Variants in SAFB observed in about 807,000 individuals in gnomAD.
SAFB encodes the protein scaffold attachment factor B1.
A neutral mutation model predicts 101.6 loss-of-function variants in SAFB; 15 were observed. The ratio of observed to expected loss-of-function variants is 0.15; its 90% CI spans 0.10 to 0.23. SAFB has a LOEUF of 0.23. SAFB is among the 10% of genes least tolerant of loss of function. The pLI, the probability that SAFB is intolerant of heterozygous loss-of-function variation, is 1.00. For missense variants in SAFB, 930 were observed against 1,104.1 expected, an observed-to-expected ratio of 0.84 and a Z score of 2.23; for synonymous variants, 449 against 407.5, an observed-to-expected ratio of 1.10 and a Z score of -1.23.
chr19:5,632,022 C>A (rs772715519), intron 2 of SAFB, among the ~76,000 whole-genome samples: 1 of 152,146 alleles, frequency 6.6e-6, no homozygotes, highest in Non-Finnish European at 1.5e-5. Flanking sequence ...TGCTCTCCAA[C>A]CTGGTAACAG....
intron 1 of SAFB, 30 bp from the exon 2 acceptor site, chr19:5,626,375 G>T: frequency 7.4e-7 from 1 of 1,345,916 alleles, no homozygotes; most frequent in South Asian, 1.2e-5. Context: ...CTGACTTTTT[G>T]GATCAACTTT....
rs141149674 is a variant in SAFB, at chr19:5,667,848, C to T, written c.2586C>T (p.Ser862=). Residue 862 remains serine, a synonymous_variant, in exon 20 of 21, where the codon TCC becomes TCT. Transcript: ENST00000588852. The surrounding 1 kb of genome is among the most constrained non-coding windows in gnomAD (Gnocchi z 4.0). ...QGGERSMSGH[S]GPGHMMNRGG... The stretch of plus-strand genomic sequence containing the variant: ...GCGAGAGAAGCATGTCCGGTCACTC[C>T]GGGCCTGGCCACATGATGAACCGAG... The T allele has an allele frequency of 2.1e-5, 34 of 1,612,308 alleles. No homozygotes were observed. In the African/African-American group the frequency reaches 3.5e-4, roughly 16 times the overall value.
intron 2 of SAFB, among the ~76,000 whole-genome samples, chr19:5,628,640 C>G (rs1157639866): frequency 6.6e-6 from 1 of 152,166 alleles, no homozygotes; most frequent in Non-Finnish European, 1.5e-5. Flanking sequence ...GAGATAATAA[C>G]TAATACTTGG....
intron 3 of SAFB, 35 bp from the exon 4 acceptor site, chr19:5,641,705 C>T (rs201829821): frequency 4.5e-5 from 73 of 1,612,056 alleles, no homozygotes; most frequent in Admixed American, 2.0e-4. Flanking sequence ...GGACCAGTGG[C>T]GGTCACATGA....
At chr19:5,656,364 C>T (rs1029264004) in intron 13 of SAFB, among the ~76,000 whole-genome samples, 57 of 152,090 alleles carry the variant, frequency 3.7e-4, no homozygotes, top group East Asian at 5.8e-4. Flanking sequence ...CTCCACCTCC[C>T]GGGGGTTTTT....
intron 4 of SAFB, 170 bp downstream of exon 4, chr19:5,642,116 A>G (rs1352335639): frequency 2.9e-6 from 2 of 693,516 alleles, no homozygotes; most frequent in East Asian, 2.8e-5. Flanking sequence ...TTGAAAGGTG[A>G]TGTCTTATAA....
intron 14 of SAFB, among the ~76,000 whole-genome samples, chr19:5,661,247 C>A (rs911309893): frequency 2.0e-5 from 3 of 152,070 alleles, no homozygotes; most frequent in Non-Finnish European, 4.4e-5. Flanking sequence ...CTGGCTGTTT[C>A]CTGAAATCAC....
At chr19:5,624,501 A>T (rs1443332040) in intron 1 of SAFB, among the ~76,000 whole-genome samples, 1 of 151,866 alleles carries the variant, frequency 6.6e-6, no homozygotes, top group Non-Finnish European at 1.5e-5. Flanking sequence ...TTATTCCTGT[A>T]GCTTTTTTTC....
intron 2 of SAFB, among the ~76,000 whole-genome samples, chr19:5,638,791 G>C (rs369038205): frequency 7.3e-6 from 1 of 136,516 alleles, no homozygotes; most frequent in African/African-American, 2.8e-5. Flanking sequence ...GTGTGTTCTC[G>C]CCTCATTGCA....
At chr19:5,645,251 G>T in intron 4 of SAFB, 86 bp from the exon 5 acceptor site, 2 of 647,640 alleles carry the variant, frequency 3.1e-6, no homozygotes, top group Non-Finnish European at 2.8e-6. Context: ...TATTTTCATA[G>T]CTGTTCACTT....
intron 14 of SAFB, among the ~76,000 whole-genome samples, chr19:5,657,933 C>T (rs1323416680): frequency 6.6e-6 from 1 of 152,194 alleles, no homozygotes; most frequent in Non-Finnish European, 1.5e-5. Flanking sequence ...ACAAAAAATA[C>T]CAAATTTGCT....
intron 6 of SAFB, 91 bp downstream of exon 6, chr19:5,648,134 T>C (rs2053863845): frequency 1.8e-6 from 2 of 1,082,190 alleles, no homozygotes; most frequent in Non-Finnish European, 2.8e-6. Context: ...TTTTAAAAGT[T>C]ACCTTACTAT....
At chr19:5,655,012 T>G (rs1192896113) in intron 13 of SAFB, among the ~76,000 whole-genome samples, 2 of 152,226 alleles carry the variant, frequency 1.3e-5, no homozygotes, top group Admixed American at 1.3e-4. Flanking sequence ...CAGTCCACGT[T>G]CCCTGTCTAC....
In SAFB at chr19:5,623,361, C is replaced by T; in HGVS notation, c.156C>T (p.Gly52=). The change falls in exon 1 of 21, where the codon GGC becomes GGT. Residue 52 remains glycine, a synonymous_variant. Transcript: ENST00000588852. ...GGAAACGGAATGTGGACTCGAGCGG[C>T]AACAAGAGCGTTTTGATGGAGCGGC... The part of the protein sequence containing the change: ...ELRKRNVDSS[G]NKSVLMERLK... 6.2e-7 allele frequency: 1 copy of T among 1,613,940 alleles called. No homozygotes were observed. Among genetic ancestry groups the T allele is most frequent in the Admixed American group, 1.7e-5 (1 of 60,014 alleles).
chr19:5,654,018 G>A, intron 11 of SAFB, 43 bp from the exon 12 acceptor site: 1 of 1,603,360 alleles, frequency 6.2e-7, no homozygotes, highest in Non-Finnish European at 8.5e-7. Flanking sequence ...TGGGAATACA[G>A]GCATGAGCCA....
At chr19:5,640,992 C>T (rs1319186351) in intron 2 of SAFB, among the ~76,000 whole-genome samples, 1 of 150,424 alleles carries the variant, frequency 6.6e-6, no homozygotes, top group Non-Finnish European at 1.5e-5. Flanking sequence ...TGCAGTGGCG[C>T]AGTCTCGGCT....
intron 14 of SAFB, 80 bp from the exon 15 acceptor site, chr19:5,661,438 C>T: frequency 6.4e-7 from 1 of 1,574,284 alleles, no homozygotes; most frequent in Non-Finnish European, 8.6e-7. Flanking sequence ...GTCTGTGCGA[C>T]CCAGCGTCTT....
intron 4 of SAFB, among the ~76,000 whole-genome samples, chr19:5,644,246 G>A (rs1310573284): frequency 6.6e-6 from 1 of 152,156 alleles, no homozygotes; most frequent in Non-Finnish European, 1.5e-5. Context: ...TTACTAGGCA[G>A]CTCCAACAAA....
At chr19:5,629,487 C>A (rs1233884113) in intron 2 of SAFB, among the ~76,000 whole-genome samples, 23 of 152,078 alleles carry the variant, frequency 1.5e-4, no homozygotes. Context: ...ATTAAAAAAA[C>A]CCGTGATCTT....
Sources: gnomAD v4.1 joint callset for allele counts (sites outside exome capture counted in the v4.1 genomes callset) on GRCh38, gnomAD v4.1.1 for gene constraint, Gnocchi (gnomAD v3.1) non-coding constraint, MANE v1.5 for transcripts, NCBI Gene and HGNC (gene_info 2026-07-23, HGNC 2026-07-21) for gene names.